Variants in DOCK1 observed in about 807,000 individuals in gnomAD.
DOCK1 encodes dedicator of cytokinesis 1.
A neutral mutation model predicts 262.7 loss-of-function variants in DOCK1; 138 were observed. The ratio of observed to expected loss-of-function variants is 0.53; its 90% CI spans 0.46 to 0.61. The LOEUF (loss-of-function observed/expected upper bound fraction) is 0.61. Ranked by LOEUF, DOCK1 falls within the 20% of genes least tolerant of loss-of-function variation. The pLI is 0.00. For synonymous variants in DOCK1, 866 were observed against 867.4 expected (o/e 1.00, Z 0.03); for missense variants, 1,908 against 2,370.7 (o/e 0.80, Z 4.05).
At chr10:127,258,444 G>C (rs2059902775) in intron 29 of DOCK1, among the ~76,000 whole-genome samples, 1 of 152,222 alleles carries the variant, frequency 6.6e-6, no homozygotes, top group African/African-American at 2.4e-5. Flanking sequence ...ATTCACTGGA[G>C]ATCCATTTAG....
intron 25 of DOCK1, 69 bp from the exon 26 acceptor site, chr10:127,125,405 A>G: frequency 6.3e-7 from 1 of 1,598,872 alleles, no homozygotes; most frequent in Non-Finnish European, 8.5e-7. Context: ...AGGGCAGACA[A>G]GCTTATAGCA....
chr10:127,241,597 A>G (rs74158639), intron 27 of DOCK1, among the ~76,000 whole-genome samples: 8,128 of 152,010 alleles, frequency 0.053, 381 homozygotes, highest in African/African-American at 0.12. Context: ...ATTAGTGCTT[A>G]TGTTCTCTTT....
At chr10:126,994,641 C>T (rs945050175) in intron 6 of DOCK1, among the ~76,000 whole-genome samples, 24 of 152,228 alleles carry the variant, frequency 1.6e-4, no homozygotes, top group African/African-American at 4.6e-4. Context: ...TTGGGGGTAA[C>T]GTCATAGATT....
At chr10:127,380,304 C>G (rs2274380) in intron 36 of DOCK1, among the ~76,000 whole-genome samples, 182 bp downstream of exon 36, 119,765 of 152,014 alleles carry the variant, frequency 0.79, 47,808 homozygotes, top group African/African-American at 0.93. Context: ...AGCTTGTCCA[C>G]ACCAGTGCAG....
Position 127,410,888 on chromosome 10 carries a change from C to T in DOCK1, c.4392C>T (p.Ile1464=). The T allele has an allele frequency of 6.2e-7, 1 of 1,613,818 alleles. No homozygotes were observed. Among genetic ancestry groups the T allele is most frequent in the Non-Finnish European group, 8.5e-7 (1 of 1,179,864 alleles). ...EVQRFEYSRP[I]RKGEKNPDNE... is the part of the protein sequence containing the mutation. ...AGCGATTTGAATATTCTCGGCCAAT[C>T]CGGAAGGGAGAGAAAAACCCAGACA... Residue 1464 remains isoleucine, a synonymous_variant, in exon 43 of 52, where the codon ATC becomes ATT. Transcript: ENST00000623213.
chr10:127,333,289 G>T (rs1006664073), intron 29 of DOCK1, among the ~76,000 whole-genome samples: 1 of 152,196 alleles, frequency 6.6e-6, no homozygotes, highest in African/African-American at 2.4e-5. Flanking sequence ...AAATGGGGCT[G>T]TGCAAGCCCC....
At chr10:127,282,165 T>G (rs1235960270) in intron 29 of DOCK1, among the ~76,000 whole-genome samples, 1 of 152,204 alleles carries the variant, frequency 6.6e-6, no homozygotes, top group Non-Finnish European at 1.5e-5. Flanking sequence ...CTTGCAGCTT[T>G]CAGCTTGGTT....
intron 29 of DOCK1, among the ~76,000 whole-genome samples, chr10:127,297,135 A>C (rs144406665): frequency 6.6e-6 from 1 of 152,284 alleles, no homozygotes; most frequent in East Asian, 1.9e-4. Flanking sequence ...CCCGCAAGCT[A>C]GTTGTGGAAG....
At chr10:127,135,770 CATT>C (rs2050638120) in intron 27 of DOCK1, 1 of 152,440 alleles carries the variant, frequency 6.6e-6, no homozygotes, top group Admixed American at 6.6e-5. Context: ...GAAACAGTGA[CATT>C]ATTTTGTGTA....
At chr10:126,971,828 C>T (rs1042543992) in intron 2 of DOCK1, among the ~76,000 whole-genome samples, 3 of 152,056 alleles carry the variant, frequency 2.0e-5, no homozygotes, top group African/African-American at 7.2e-5. Flanking sequence ...TTCATCCTTT[C>T]CTTTTTTTTT....
At chr10:126,967,837 G>A (rs1258278445) in intron 1 of DOCK1, among the ~76,000 whole-genome samples, 1 of 152,010 alleles carries the variant, frequency 6.6e-6, no homozygotes, top group Non-Finnish European at 1.5e-5. Flanking sequence ...TTTTTGAGAC[G>A]GAGTCTCGCT....
At chr10:127,018,878 G>T (rs1230767955) in intron 13 of DOCK1, 43 bp downstream of exon 13, 6 of 1,606,668 alleles carry the variant, frequency 3.7e-6, no homozygotes, top group Non-Finnish European at 5.1e-6. Flanking sequence ...TGGCATGGGG[G>T]TAGCCGGCCA....
rs759788937 is a variant in DOCK1 at position 127,110,304 on chromosome 10, A to C, written c.2573A>C (p.Lys858Thr). 1 of 1,613,742 alleles carries C rather than the reference A, an allele frequency of 6.2e-7. No individual in the cohort carries two copies. Among genetic ancestry groups the C allele is most frequent in the South Asian group, 1.1e-5 (1 of 90,918 alleles). ...NVPMGLLTIQ[K>T]LYCLIEIVHS... ...CCCATGGGCTTGCTGACCATCCAGAAACTCTACTGCTTGATCGAAATCGTC... is the reference window on the plus strand; with the variant it reads ...CCCATGGGCTTGCTGACCATCCAGACACTCTACTGCTTGATCGAAATCGTC... The change falls in exon 25 of 52, where the codon AAA becomes ACA. Residue 858 changes from lysine to threonine, a missense_variant. Coordinates refer to ENST00000623213, the MANE Select transcript of DOCK1 (RefSeq NM_001290223.2).
chr10:127,439,241 A>G lies in DOCK1; in HGVS notation c.5259+16A>G, dbSNP rs2069907421. On this transcript the variant is annotated intron_variant, in intron 49 of 51. Transcript: ENST00000623213. ...TTCGGAAACGGTAACCCGACAGGGT[A>G]TCTTTCCTCGCTCTGCGGTAGCTTC... is the stretch of plus-strand genomic sequence containing the variant. The G allele has an allele frequency of 1.3e-6, 2 of 1,599,446 alleles. No homozygotes were observed. Among genetic ancestry groups the G allele is most frequent in the South Asian group, 2.3e-5 (2 of 87,844 alleles).
At chr10:127,006,019 T>G (rs1468251811) in intron 10 of DOCK1, among the ~76,000 whole-genome samples, 2 of 152,226 alleles carry the variant, frequency 1.3e-5, no homozygotes, top group African/African-American at 4.8e-5. Flanking sequence ...GTCCTGTGAT[T>G]CCAGCAGTCC....
intron 29 of DOCK1, among the ~76,000 whole-genome samples, chr10:127,266,214 G>A (rs2060349184): frequency 6.6e-6 from 1 of 152,180 alleles, no homozygotes; most frequent in South Asian, 2.1e-4. Flanking sequence ...TCTTTGTGCA[G>A]GTTGAAATCA....
intron 27 of DOCK1, among the ~76,000 whole-genome samples, chr10:127,156,679 C>T (rs11814315): frequency 0.015 from 2,233 of 151,468 alleles, 58 homozygotes; most frequent in African/African-American, 0.051. Flanking sequence ...AGCGATTCTC[C>T]TGCCTCAGCC....
At chr10:127,246,294 A>G (rs959378025) in intron 27 of DOCK1, among the ~76,000 whole-genome samples, 6 of 152,166 alleles carry the variant, frequency 3.9e-5, no homozygotes, top group African/African-American at 1.4e-4. Context: ...GAAACCTCTA[A>G]GCCTCAGTTT....
chr10:127,432,834 C>A (rs2069391465), intron 47 of DOCK1, among the ~76,000 whole-genome samples: 1 of 152,124 alleles, frequency 6.6e-6, no homozygotes, highest in South Asian at 2.1e-4. Flanking sequence ...TTATTTTTGT[C>A]TAGAGGAGGT....
Sources: allele counts gnomAD v4.1 joint callset (sites outside exome capture counted in the v4.1 genomes callset), GRCh38; gene constraint gnomAD v4.1.1; transcripts MANE v1.5; gene names NCBI Gene and HGNC (gene_info 2026-07-23, HGNC 2026-07-21).